The following LGSN variants were observed in gnomAD, a reference collection of about 807,000 sequenced individuals.
The protein encoded by LGSN is lengsin, lens protein with glutamine synthetase domain, also known as lengsin.
A neutral mutation model predicts 19.5 loss-of-function variants in LGSN; 21 were observed. The ratio of observed to expected loss-of-function variants is 1.07; its 90% CI spans 0.76 to 1.55. The LOEUF (loss-of-function observed/expected upper bound fraction) is 1.55, where lower values mean the gene tolerates loss of function less well. Among genes scored for constraint, LGSN ranks in the 40% most tolerant of loss-of-function variants. LGSN has a pLI of 0.00. For missense variants in LGSN, 673 were observed against 608.5 expected, an observed-to-expected ratio of 1.11 and a Z score of -1.12; for synonymous variants, 257 against 215.6, an observed-to-expected ratio of 1.19 and a Z score of -1.68.
chr6:63,477,502 G>A, the LGSN span, among the ~76,000 whole-genome samples: 10 of 151,906 alleles, frequency 6.6e-5, no homozygotes, highest in African/African-American at 9.7e-5. Context: ...AAATCAGATC[G>A]TTTATTGAAA....
chr6:63,570,121 T>C, the LGSN span, among the ~76,000 whole-genome samples: 93 of 152,318 alleles, frequency 6.1e-4, no homozygotes, highest in Non-Finnish European at 1.2e-3. Context: ...GGCAGATCTC[T>C]TGAGGTCAGG....
chr6:63,305,248 C>A (rs144164890), intron 1 of LGSN, among the ~76,000 whole-genome samples: 62 of 152,196 alleles, frequency 4.1e-4, no homozygotes, highest in African/African-American at 1.3e-3. Flanking sequence ...GGTTATTTTT[C>A]TCTCATTCTG....
At chr6:63,484,903 A>C in the LGSN span, among the ~76,000 whole-genome samples, 3 of 152,338 alleles carry the variant, frequency 2.0e-5, no homozygotes, top group South Asian at 6.2e-4. Context: ...ATGTGTCAGA[A>C]TGTGGACACC....
chr6:63,464,496 C>T, the LGSN span, among the ~76,000 whole-genome samples: 14 of 149,182 alleles, frequency 9.4e-5, no homozygotes, highest in Admixed American at 9.5e-4. Flanking sequence ...AAATAAAGTA[C>T]CTAGCCTCAC....
the LGSN span, chr6:63,395,434 G>T: frequency 3.3e-5 from 5 of 152,192 alleles, no homozygotes; most frequent in Non-Finnish European, 7.3e-5. Flanking sequence ...GTGAGAGGTG[G>T]GTAGGTTGTG....
At chr6:63,488,586 A>T in the LGSN span, among the ~76,000 whole-genome samples, 1 of 152,208 alleles carries the variant, frequency 6.6e-6, no homozygotes, top group African/African-American at 2.4e-5. Flanking sequence ...CTGGAAGAAT[A>T]TGAGAATATA....
At chr6:63,482,981 G>A in the LGSN span, among the ~76,000 whole-genome samples, 14 of 152,248 alleles carry the variant, frequency 9.2e-5, no homozygotes, top group East Asian at 7.8e-4. Flanking sequence ...GATTACAGGC[G>A]TGAGCCACCA....
chr6:63,502,192 T>C, the LGSN span, among the ~76,000 whole-genome samples: 1 of 152,188 alleles, frequency 6.6e-6, no homozygotes, highest in Non-Finnish European at 1.5e-5. Flanking sequence ...CACCTCAAGA[T>C]AAGAGGAAAT....
At chr6:63,333,491 G>A in the LGSN span, among the ~76,000 whole-genome samples, 23 of 144,908 alleles carry the variant, frequency 1.6e-4, no homozygotes, top group African/African-American at 5.1e-4. Flanking sequence ...AAGAAGGAAC[G>A]AAAGAACAAA....
the LGSN span, among the ~76,000 whole-genome samples, chr6:63,348,741 C>CTTTT: frequency 1.9e-5 from 2 of 106,704 alleles, no homozygotes; most frequent in African/African-American, 6.9e-5. Context: ...AAGATTTTTA[C>CTTTT]TTTTTTTTTT....
chr6:63,483,092 A>G, the LGSN span, among the ~76,000 whole-genome samples: 1 of 152,230 alleles, frequency 6.6e-6, no homozygotes. Context: ...CCAGATATGC[A>G]TCTCTATTGG....
the LGSN span, among the ~76,000 whole-genome samples, chr6:63,495,202 A>G: frequency 6.6e-6 from 1 of 152,170 alleles, no homozygotes; most frequent in African/African-American, 2.4e-5. Flanking sequence ...GAGCACTTAC[A>G]AATGCCAGAT....
the LGSN span, among the ~76,000 whole-genome samples, chr6:63,370,485 G>A: frequency 6.6e-6 from 1 of 152,340 alleles, no homozygotes; most frequent in East Asian, 1.9e-4. Context: ...AATGCCCAGA[G>A]GCCACTACCT....
the LGSN span, among the ~76,000 whole-genome samples, chr6:63,357,331 C>T: frequency 6.6e-6 from 1 of 152,272 alleles, no homozygotes; most frequent in South Asian, 2.1e-4. Context: ...GATTTATAAT[C>T]CTTTGGGTGT....
intron 2 of LGSN, among the ~76,000 whole-genome samples, chr6:63,288,637 C>T (rs796344886): frequency 3.9e-5 from 6 of 152,154 alleles, no homozygotes; most frequent in Non-Finnish European, 5.9e-5. Flanking sequence ...CCCAGACAGG[C>T]GGCTTACACA....
chr6:63,375,398 T>C, the LGSN span, among the ~76,000 whole-genome samples: 1 of 150,762 alleles, frequency 6.6e-6, no homozygotes, highest in East Asian at 1.9e-4. Context: ...ATTATTACTA[T>C]ATATTTATAT....
chr6:63,325,041 T>G, the LGSN span, among the ~76,000 whole-genome samples: 16 of 148,108 alleles, frequency 1.1e-4, no homozygotes, highest in Admixed American at 8.8e-4. Flanking sequence ...GAGGCAGAGG[T>G]TGCAGTGAGC....
chr6:63,412,529 G>GAAAGAAAGAAGGAAGGAAAGAAAGAAA, the LGSN span, among the ~76,000 whole-genome samples: 3 of 32,378 alleles, frequency 9.3e-5, 1 homozygote, highest in African/African-American at 2.5e-4. Flanking sequence ...AAAGAAAGAA[G>GAAAGAAAGAAGGAAGGAAAGAAAGAAA]GAAAGAAAGA....
At chr6:63,356,791 C>T in the LGSN span, among the ~76,000 whole-genome samples, 1 of 152,090 alleles carries the variant, frequency 6.6e-6, no homozygotes, top group African/African-American at 2.4e-5. Flanking sequence ...ATCTTTAAAG[C>T]ATCTTTATGG....
Sources: gnomAD v4.1 joint callset for allele counts (sites outside exome capture counted in the v4.1 genomes callset) on GRCh38, gnomAD v4.1.1 for gene constraint, MANE v1.5 for transcripts, NCBI Gene and HGNC (gene_info 2026-07-23, HGNC 2026-07-21) for gene names.